The following SOX5 variants were observed in gnomAD, a reference collection of about 807,000 sequenced individuals.
SOX5 encodes transcription factor SOX-5.
In SOX5, 9 loss-of-function variants were observed where a neutral mutation model predicts 92.0. The observed-to-expected ratio is 0.10, with a 90% CI of 0.06 to 0.17. The LOEUF is 0.17. SOX5 is among the 10% of genes least tolerant of loss of function. The probability of loss-of-function intolerance (pLI) is 1.00; values close to 1 mark genes in which losing one functional copy is unlikely to be tolerated. For synonymous variants in SOX5, 344 were observed against 336.3 expected, an observed-to-expected ratio of 1.02 and a Z score of -0.25; for missense variants, 642 against 944.5, an observed-to-expected ratio of 0.68 and a Z score of 4.20.
At chr12:24,077,904 A>G (rs1308529841) in intron 4 of SOX5, among the ~76,000 whole-genome samples, 1 of 150,578 alleles carries the variant, frequency 6.6e-6, no homozygotes, top group Non-Finnish European at 1.5e-5. Context: ...CATTAAATAC[A>G]TAAGCTTTGA....
intron 2 of SOX5, among the ~76,000 whole-genome samples, chr12:23,885,883 CA>C (rs34898602): frequency 0.32 from 46,277 of 142,924 alleles, 7,948 homozygotes; most frequent in Non-Finnish European, 0.43. Context: ...AAGAAAATGG[CA>C]AAAAAAAAAA....
chr12:24,372,017 T>G (rs1321972717), intron 1 of SOX5, among the ~76,000 whole-genome samples: 1 of 150,562 alleles, frequency 6.6e-6, no homozygotes, highest in Non-Finnish European at 1.5e-5. Flanking sequence ...GAGAGAGAGA[T>G]CATTTGGAAA....
chr12:23,988,364 G>A (rs1319231849), intron 4 of SOX5, among the ~76,000 whole-genome samples: 1 of 152,154 alleles, frequency 6.6e-6, no homozygotes, highest in East Asian at 1.9e-4. Context: ...GAGCAGACTA[G>A]TAAGAGTCAG....
chr12:23,829,443 G>A (rs2096280667), intron 3 of SOX5, among the ~76,000 whole-genome samples: 1 of 152,148 alleles, frequency 6.6e-6, no homozygotes, highest in Non-Finnish European at 1.5e-5. Flanking sequence ...TCAGAAACAG[G>A]TGGCTGGCTC....
At chr12:24,508,376 A>C (rs1332008022) in intron 1 of SOX5, among the ~76,000 whole-genome samples, 1 of 152,216 alleles carries the variant, frequency 6.6e-6, no homozygotes, top group Admixed American at 6.5e-5. Flanking sequence ...GAAAGAAAGA[A>C]TAAGAATCAA....
At chr12:23,988,357 C>T (rs372056994) in intron 4 of SOX5, among the ~76,000 whole-genome samples, 1 of 152,094 alleles carries the variant, frequency 6.6e-6, no homozygotes, top group African/African-American at 2.4e-5. Flanking sequence ...TTAGAGTGAG[C>T]AGACTAGTAA....
intron 4 of SOX5, among the ~76,000 whole-genome samples, chr12:24,040,704 C>T (rs1264880689): frequency 1.3e-5 from 2 of 152,116 alleles, no homozygotes; most frequent in Non-Finnish European, 2.9e-5. Context: ...AACCCCATCT[C>T]TACTGAAAAA....
At chr12:23,550,842 G>A (rs1944061124) in intron 11 of SOX5, among the ~76,000 whole-genome samples, 1 of 151,928 alleles carries the variant, frequency 6.6e-6, no homozygotes, top group Admixed American at 6.6e-5. Context: ...GGCATCCTAT[G>A]TTGATATTTT....
chr12:23,586,889 A>G (rs1331965680), intron 9 of SOX5, among the ~76,000 whole-genome samples: 1 of 150,816 alleles, frequency 6.6e-6, no homozygotes, highest in Non-Finnish European at 1.5e-5. Flanking sequence ...AATAAAAGGC[A>G]CAGTATAGGT....
At chr12:24,555,075 G>T (rs1029683289) in intron 1 of SOX5, among the ~76,000 whole-genome samples, 5 of 152,238 alleles carry the variant, frequency 3.3e-5, no homozygotes, top group African/African-American at 1.2e-4. Context: ...CAAAGTGCTG[G>T]TGGCTCTGCG....
intron 4 of SOX5, among the ~76,000 whole-genome samples, chr12:23,960,534 TA>T (rs1036694533): frequency 6.9e-6 from 1 of 144,560 alleles, no homozygotes; most frequent in African/African-American, 2.6e-5. Flanking sequence ...TATATACATA[TA>T]TATATATATA....
chr12:24,372,525 T>C (rs189848720), intron 1 of SOX5, among the ~76,000 whole-genome samples: 2 of 152,316 alleles, frequency 1.3e-5, no homozygotes, highest in Non-Finnish European at 2.9e-5. Context: ...CTTTATCCAG[T>C]CTATCACTGA....
At chr12:24,008,542 G>GA (rs571532754) in intron 4 of SOX5, among the ~76,000 whole-genome samples, 12 of 150,790 alleles carry the variant, frequency 8.0e-5, no homozygotes, top group Non-Finnish European at 8.9e-5. Flanking sequence ...AAATATAAAA[G>GA]AAAAAAAAAT....
At chr12:24,426,337 C>T (rs1297160865) in intron 1 of SOX5, among the ~76,000 whole-genome samples, 2 of 152,102 alleles carry the variant, frequency 1.3e-5, no homozygotes, top group Non-Finnish European at 2.9e-5. Flanking sequence ...GGAGGGATAG[C>T]ATTAGGAGAA....
At chr12:24,377,647 C>T (rs1175312361) in intron 1 of SOX5, among the ~76,000 whole-genome samples, 5 of 152,198 alleles carry the variant, frequency 3.3e-5, no homozygotes, top group Non-Finnish European at 7.3e-5. Flanking sequence ...CAGCCTCGTG[C>T]TCCTTCCACT....
intron 4 of SOX5, among the ~76,000 whole-genome samples, chr12:24,179,940 T>A (rs77990265): frequency 0.014 from 2,028 of 147,402 alleles, 38 homozygotes; most frequent in African/African-American, 0.044. Flanking sequence ...TCTTTTTTTT[T>A]ATTAAAAAAA....
chr12:23,957,916 G>T (rs941197366), intron 4 of SOX5, among the ~76,000 whole-genome samples: 1 of 152,040 alleles, frequency 6.6e-6, no homozygotes, highest in Non-Finnish European at 1.5e-5. Flanking sequence ...ATTAATGTTT[G>T]TAATTTGCCC....
intron 2 of SOX5, among the ~76,000 whole-genome samples, chr12:23,860,065 T>G (rs779833875): frequency 4.6e-5 from 7 of 152,142 alleles, no homozygotes; most frequent in Non-Finnish European, 1.0e-4. Context: ...AAATTCTGCA[T>G]GTTCTCACTT....
intron 14 of SOX5, among the ~76,000 whole-genome samples, chr12:23,535,828 G>T (rs746554775): frequency 3.7e-4 from 56 of 152,154 alleles, no homozygotes; most frequent in Non-Finnish European, 5.1e-4. Context: ...TTGGGTTTTT[G>T]AGAGAATTCT....
Sources: gnomAD v4.1 joint callset for allele counts (sites outside exome capture counted in the v4.1 genomes callset) on GRCh38, gnomAD v4.1.1 for gene constraint, MANE v1.5 for transcripts, NCBI Gene and HGNC (gene_info 2026-07-23, HGNC 2026-07-21) for gene names.